The following GK5 variants were observed in gnomAD, a reference collection of about 807,000 sequenced individuals.
GK5 encodes the protein ATP:glycerol 3-phosphotransferase 5.
In GK5, 39 loss-of-function variants were observed where a neutral mutation model predicts 77.3. The ratio of observed to expected loss-of-function variants is 0.50; its 90% CI spans 0.39 to 0.66. The LOEUF is 0.66. GK5 is among the 30% of genes least tolerant of loss of function. The pLI is 0.00. For synonymous variants in GK5, 211 were observed against 208.0 expected (o/e 1.01, Z -0.13); for missense variants, 487 against 633.8 (o/e 0.77, Z 2.49).
At chr3:142,207,328 G>C (rs939615046) in intron 3 of GK5, among the ~76,000 whole-genome samples, 3 of 152,142 alleles carry the variant, frequency 2.0e-5, no homozygotes, top group African/African-American at 7.2e-5. Flanking sequence ...TCCCTTCTGA[G>C]AATTTCTGGT....
chr3:142,195,546 C>T (rs1225985603), intron 5 of GK5, among the ~76,000 whole-genome samples: 6 of 152,026 alleles, frequency 3.9e-5, no homozygotes, highest in African/African-American at 1.2e-4. Flanking sequence ...GAGATGGTGT[C>T]TTGCTATATT....
chr3:142,215,845 A>AT (rs1466061021), intron 1 of GK5, among the ~76,000 whole-genome samples, 153 bp from the exon 2 acceptor site: 5 of 152,172 alleles, frequency 3.3e-5, no homozygotes, highest in African/African-American at 1.2e-4. Flanking sequence ...CATTTATGAG[A>AT]TAAAAAAGGA....
At chr3:142,192,272 G>A (rs2063862763) in intron 5 of GK5, among the ~76,000 whole-genome samples, 1 of 152,180 alleles carries the variant, frequency 6.6e-6, no homozygotes, top group Non-Finnish European at 1.5e-5. Context: ...AATACAAAAT[G>A]ACACAGCTAC....
intron 12 of GK5, among the ~76,000 whole-genome samples, chr3:142,174,401 G>T (rs758989163): frequency 6.6e-6 from 1 of 152,160 alleles, no homozygotes. Context: ...ATATCAGATG[G>T]TATAGTATCA....
chr3:142,204,914 C>T (rs2064082272), intron 3 of GK5, 126 bp from the exon 4 acceptor site: 2 of 608,004 alleles, frequency 3.3e-6, no homozygotes, highest in African/African-American at 3.7e-5. Context: ...GTTACATGTG[C>T]CTTTCTGAAT....
At chr3:142,184,819 G>A in intron 9 of GK5, 11 of 969,620 alleles carry the variant, frequency 1.1e-5, no homozygotes, top group Non-Finnish European at 1.3e-5. Context: ...TCCAGTCTGG[G>A]AGACAAGAGT....
intron 9 of GK5, 191 bp downstream of exon 9, chr3:142,185,738 A>G (rs779458592): frequency 4.3e-5 from 67 of 1,544,440 alleles, no homozygotes; most frequent in Non-Finnish European, 4.9e-5. Flanking sequence ...TACTGGCTCA[A>G]TGGTCCCCTT....
At chr3:142,216,864 T>A (rs114290677) in intron 1 of GK5, among the ~76,000 whole-genome samples, 1 of 152,208 alleles carries the variant, frequency 6.6e-6, no homozygotes, top group African/African-American at 2.4e-5. Context: ...CAAATAGTAC[T>A]GCCAAGATTT....
chr3:142,213,418 A>G, intron 3 of GK5, 108 bp downstream of exon 3: 1 of 759,518 alleles, frequency 1.3e-6, no homozygotes, highest in Admixed American at 1.8e-5. Context: ...TAACCAAACG[A>G]AACTATTCTC....
At chr3:142,212,294 G>A (rs1459601544) in intron 3 of GK5, among the ~76,000 whole-genome samples, 1 of 152,110 alleles carries the variant, frequency 6.6e-6, no homozygotes, top group Non-Finnish European at 1.5e-5. Context: ...AGCTGGGGGA[G>A]GTGGCTGAGG....
Position 142,183,017 on chromosome 3 carries a change from C to G in GK5, c.849G>C (p.Glu283Asp). Residue 283 changes from glutamate to aspartate, a missense_variant, in exon 10 of 16, where the codon GAG becomes GAC. Around this residue, in one of 4 missense-constraint regions of GK5, gnomAD observed 323 missense variants for 437.4 expected, o/e 0.74. Transcript: ENST00000392993. ...TCACATCACCTGTCTGGAAGCAGCA[C>G]TCTCCAAACATGGCTGATTGCTGGT... ...VADQQSAMFG[E>D]CCFQTGDVKL... The G allele has an allele frequency of 6.2e-7, 1 of 1,613,672 alleles. No homozygotes were observed.
chr3:142,172,048 G>A (rs1453932264), intron 13 of GK5, among the ~76,000 whole-genome samples: 3 of 152,014 alleles, frequency 2.0e-5, no homozygotes, highest in African/African-American at 7.2e-5. Flanking sequence ...TCATGAATAA[G>A]GATACTAAAC....
Position 142,165,256 on chromosome 3 carries a change from T to A in GK5, c.*366A>T, listed in dbSNP as rs2063460944. On this transcript the variant is annotated 3_prime_UTR_variant, in exon 16 of 16. Coordinates refer to ENST00000392993, the MANE Select transcript of GK5 (RefSeq NM_001039547.3). Reference sequence around the variant, plus strand: ...TAATTTTGGAACAATATGTGCATGGTACTTGACCCAGAACTATTAGCTTGG... The same window carrying A: ...TAATTTTGGAACAATATGTGCATGGAACTTGACCCAGAACTATTAGCTTGG... 2 of 166,282 alleles carry A rather than the reference T, an allele frequency of 1.2e-5. No homozygotes were observed. Among genetic ancestry groups the A allele is most frequent in the Admixed American group, 1.3e-4 (2 of 15,688 alleles). 10.3% of individuals were successfully genotyped at this position (166,282 alleles called of 1,614,324 possible).
chr3:142,165,796 A>G (rs2063467804), intron 15 of GK5, 26 bp from the exon 16 acceptor site: 1 of 1,525,218 alleles, frequency 6.6e-7, no homozygotes, highest in Non-Finnish European at 8.8e-7. Context: ...TTATCCTCAA[A>G]TTTTAAGGCA....
chr3:142,187,795 G>A lies in GK5; in HGVS notation c.544-16C>T, dbSNP rs367702917. On this transcript the variant is annotated splice_polypyrimidine_tract_variant and intron_variant, in intron 5 of 15. Transcript: ENST00000392993. ...CCTTTTGCACCTTGAAAACACAACA[G>A]CACAAAATCGATTCAAAAAGGCTAA... 1.8e-5 allele frequency: 29 copies of A among 1,598,552 alleles called. No homozygotes were observed. The highest frequency in any genetic ancestry group is 2.7e-5 in the African/African-American group (2 of 74,168).
chr3:142,173,449 C>T (rs2063566107), intron 12 of GK5, among the ~76,000 whole-genome samples: 1 of 151,924 alleles, frequency 6.6e-6, no homozygotes, highest in South Asian at 2.1e-4. Context: ...TTTGGGAGGC[C>T]GACAAAGGTG....
intron 1 of GK5, 53 bp from the exon 2 acceptor site, chr3:142,215,745 A>G: frequency 1.2e-6 from 1 of 830,914 alleles, no homozygotes; most frequent in Non-Finnish European, 2.0e-6. Flanking sequence ...AGTCAATAGT[A>G]TGGGTCTTTG....
intron 5 of GK5, among the ~76,000 whole-genome samples, chr3:142,196,159 GGTCA>G (rs2063929840): frequency 6.6e-6 from 1 of 151,912 alleles, no homozygotes; most frequent in Admixed American, 6.6e-5. Context: ...ATTTCTGTGA[GGTCA>G]GTATTAATAT....
chr3:142,213,503 T>G, intron 3 of GK5, 23 bp downstream of exon 3: 1 of 1,385,492 alleles, frequency 7.2e-7, no homozygotes, highest in African/African-American at 1.4e-5. Flanking sequence ...AGCAGTAGGG[T>G]GCTTATCACA....
Sources: gnomAD v4.1 joint callset for allele counts (sites outside exome capture counted in the v4.1 genomes callset) on GRCh38, gnomAD v4.1.1 for gene constraint, gnomAD v4.1.1 regional missense constraint, MANE v1.5 for transcripts, NCBI Gene and HGNC (gene_info 2026-07-23, HGNC 2026-07-21) for gene names.